Variants in RFX3 observed in about 807,000 individuals in gnomAD.
RFX3 encodes the protein transcription factor RFX3.
RFX3 carries 14 observed loss-of-function variants against 98.6 expected under a neutral mutation model. The ratio of observed to expected loss-of-function variants is 0.14; its 90% CI spans 0.09 to 0.22. RFX3 has a LOEUF of 0.22. Among genes scored for constraint, RFX3 ranks in the 10% least tolerant of loss-of-function variants. The pLI is 1.00. For missense variants in RFX3, 639 were observed against 926.9 expected, an observed-to-expected ratio of 0.69 and a Z score of 4.03; for synonymous variants, 383 against 328.4, an observed-to-expected ratio of 1.17 and a Z score of -1.80.
chr9:3,442,137 T>G (rs1587688903), intron 1 of RFX3, among the ~76,000 whole-genome samples: 1 of 151,928 alleles, frequency 6.6e-6, no homozygotes, highest in South Asian at 2.1e-4. Flanking sequence ...GAGACAGAGG[T>G]TGCAATGAGC....
At chr9:3,274,787 C>G (rs1434066980) in intron 9 of RFX3, among the ~76,000 whole-genome samples, 2 of 152,002 alleles carry the variant, frequency 1.3e-5, no homozygotes, top group Non-Finnish European at 2.9e-5. Flanking sequence ...CACCCAGTTT[C>G]CTTCACAAAG....
chr9:3,260,120 T>C (rs925300632), intron 13 of RFX3, among the ~76,000 whole-genome samples: 1 of 152,020 alleles, frequency 6.6e-6, no homozygotes, highest in African/African-American at 2.4e-5. Flanking sequence ...CTCATTAATA[T>C]GTACAGAGCT....
intron 1 of RFX3, among the ~76,000 whole-genome samples, chr9:3,407,329 T>A (rs1406905559): frequency 6.6e-6 from 1 of 152,178 alleles, no homozygotes; most frequent in Non-Finnish European, 1.5e-5. Flanking sequence ...TCACATACAT[T>A]ATTTCATCTG....
At chr9:3,353,753 T>C (rs1835426357) in intron 2 of RFX3, among the ~76,000 whole-genome samples, 1 of 151,968 alleles carries the variant, frequency 6.6e-6, no homozygotes, top group Non-Finnish European at 1.5e-5. Context: ...AGACTTACAA[T>C]ACCATAAGAA....
rs74972933 is a variant in RFX3 at position 3,442,298 on chromosome 9, T to C, written c.-8-46702A>G. Among the ~76,000 whole-genome samples the C allele has an allele frequency of 8.4e-3, 1,283 of 152,186 alleles. 11 individuals carry two copies. Among genetic ancestry groups the C allele is most frequent in the African/African-American group, 0.029 (1,222 of 41,506 alleles). On this transcript the variant is annotated intron_variant, in intron 1 of 16. Coordinates refer to ENST00000617270, the MANE Select transcript of RFX3 (RefSeq NM_001282116.2). The stretch of plus-strand genomic sequence containing the variant: ...AAGCAACATCAATGATAAGCGTATA[T>C]TGATACCATATGATGTGATGAGAAA...
intron 1 of RFX3, among the ~76,000 whole-genome samples, chr9:3,433,814 T>C (rs1474332417): frequency 1.3e-5 from 2 of 152,144 alleles, no homozygotes; most frequent in Non-Finnish European, 2.9e-5. Context: ...AAGTAGTAAA[T>C]ATTTTAGGCT....
intron 2 of RFX3, among the ~76,000 whole-genome samples, chr9:3,394,551 C>A (rs375900574): frequency 1.3e-5 from 2 of 152,186 alleles, no homozygotes; most frequent in African/African-American, 4.8e-5. Flanking sequence ...TTGCAGCACA[C>A]CCCCTGCCCA....
At chr9:3,337,401 G>C (rs1040926060) in intron 3 of RFX3, among the ~76,000 whole-genome samples, 1 of 152,180 alleles carries the variant, frequency 6.6e-6, no homozygotes, top group Non-Finnish European at 1.5e-5. Flanking sequence ...GGAAACCAGG[G>C]ACAAATATTT....
intron 2 of RFX3, among the ~76,000 whole-genome samples, chr9:3,370,332 TTATAA>T (rs920324287): frequency 9.6e-4 from 146 of 151,962 alleles, no homozygotes; most frequent in African/African-American, 3.3e-3. Flanking sequence ...GTTTTGGAAA[TTATAA>T]TATATTTTTA....
At position 3,221,119 on chromosome 9, in the gene RFX3, G is replaced by C. The variant is rs569296319; in HGVS notation, c.*3923C>G. On this transcript the variant is annotated 3_prime_UTR_variant, in exon 17 of 17. Transcript: ENST00000617270. The stretch of plus-strand genomic sequence containing the variant: ...CCACTGCCTCAAATTGTACACAAAG[G>C]TGACTTGCCAAGTTTTTTCTTTCTA... The C allele has an allele frequency of 3.3e-5, 5 of 152,094 alleles. No individual in the cohort carries two copies. The highest frequency in any genetic ancestry group is 7.4e-5 in the Non-Finnish European group (5 of 68,000). 9.4% of individuals were successfully genotyped at this position (152,094 alleles called of 1,614,324 possible).
At chr9:3,300,649 C>G (rs1485812461) in intron 5 of RFX3, among the ~76,000 whole-genome samples, 1 of 151,664 alleles carries the variant, frequency 6.6e-6, no homozygotes, top group East Asian at 1.9e-4. Flanking sequence ...AATTTAAGAA[C>G]AAATTGTCAG....
chr9:3,286,364 T>G (rs1180200582), intron 7 of RFX3, among the ~76,000 whole-genome samples: 2 of 151,858 alleles, frequency 1.3e-5, no homozygotes, highest in Non-Finnish European at 2.9e-5. Flanking sequence ...AGAGCCCTTC[T>G]TATTTTTCAC....
At chr9:3,351,387 T>C (rs1237034272) in intron 2 of RFX3, among the ~76,000 whole-genome samples, 1 of 152,078 alleles carries the variant, frequency 6.6e-6, no homozygotes, top group South Asian at 2.1e-4. Context: ...AATAAAATCA[T>C]GCCAATATTT....
chr9:3,490,256 TAA>T (rs1850628284), intron 1 of RFX3: 1 of 859,764 alleles, frequency 1.2e-6, no homozygotes, highest in African/African-American at 1.9e-5. Context: ...TCATTATTTA[TAA>T]AGAACATGTG....
chr9:3,309,972 T>C (rs1293276609), intron 4 of RFX3, among the ~76,000 whole-genome samples: 1 of 151,696 alleles, frequency 6.6e-6, no homozygotes, highest in African/African-American at 2.4e-5. Flanking sequence ...AAGGACAGAG[T>C]GGGGAGAACA....
At chr9:3,308,624 T>C (rs985263829) in intron 4 of RFX3, among the ~76,000 whole-genome samples, 1 of 152,166 alleles carries the variant, frequency 6.6e-6, no homozygotes, top group African/African-American at 2.4e-5. Context: ...CTTTGCAAGA[T>C]GTCATACGAC....
At chr9:3,440,263 A>G (rs1426092922) in intron 1 of RFX3, among the ~76,000 whole-genome samples, 1 of 152,094 alleles carries the variant, frequency 6.6e-6, no homozygotes, top group Non-Finnish European at 1.5e-5. Flanking sequence ...TAGTGCTATC[A>G]GCAAAATAAA....
intron 3 of RFX3, among the ~76,000 whole-genome samples, chr9:3,338,818 G>A (rs1301764645): frequency 6.6e-6 from 1 of 152,126 alleles, no homozygotes; most frequent in African/African-American, 2.4e-5. Context: ...GGCCAGGCAC[G>A]GTGGCTCACG....
intron 4 of RFX3, among the ~76,000 whole-genome samples, chr9:3,307,617 TG>T (rs1563898902): frequency 6.6e-6 from 1 of 152,096 alleles, no homozygotes; most frequent in African/African-American, 2.4e-5. Context: ...ATGAACACAA[TG>T]GCCTTTATTT....
Sources: gnomAD v4.1 joint callset for allele counts (sites outside exome capture counted in the v4.1 genomes callset) on GRCh38, gnomAD v4.1.1 for gene constraint, MANE v1.5 for transcripts, NCBI Gene and HGNC (gene_info 2026-07-23, HGNC 2026-07-21) for gene names.